The following ERI3 variants were observed in gnomAD, a reference collection of about 807,000 sequenced individuals.
ERI3 encodes the protein ERI1 exoribonuclease 3.
Under a neutral mutation model 44.4 loss-of-function variants are expected in ERI3, and 18 were observed. The ratio of observed to expected loss-of-function variants is 0.41; its 90% CI spans 0.28 to 0.60. The LOEUF (loss-of-function observed/expected upper bound fraction) is 0.60. Among genes scored for constraint, ERI3 ranks in the 20% least tolerant of loss-of-function variants. The pLI, the probability that ERI3 is intolerant of heterozygous loss-of-function variation, is 0.36. For missense variants in ERI3, 294 were observed against 435.5 expected (o/e 0.68, Z 2.89); for synonymous variants, 183 against 164.8 (o/e 1.11, Z -0.84).
At chr1:44,259,774 G>A (rs550274480) in intron 7 of ERI3, among the ~76,000 whole-genome samples, 1 of 151,268 alleles carries the variant, frequency 6.6e-6, no homozygotes, top group South Asian at 2.1e-4. Flanking sequence ...TACTAGGGAG[G>A]CTAAGGTGAG....
chr1:44,307,197 T>A (rs1270986744), intron 6 of ERI3, among the ~76,000 whole-genome samples: 2 of 152,078 alleles, frequency 1.3e-5, no homozygotes, highest in Non-Finnish European at 2.9e-5. Flanking sequence ...ATTTGGGGCC[T>A]TTTCTTCCTC....
chr1:44,297,354 C>T (rs1050945411), intron 6 of ERI3, among the ~76,000 whole-genome samples: 1 of 151,976 alleles, frequency 6.6e-6, no homozygotes, highest in Admixed American at 6.6e-5. Flanking sequence ...CTTGAGTTCC[C>T]CAGCCTTCAA....
At chr1:44,259,288 G>GCTGCCTGT (rs1480080989) in intron 7 of ERI3, among the ~76,000 whole-genome samples, 1 of 152,084 alleles carries the variant, frequency 6.6e-6, no homozygotes, top group Non-Finnish European at 1.5e-5. Flanking sequence ...TGGCTGCCTG[G>GCTGCCTGT]CTGACTGATT....
At chr1:44,320,208 C>G (rs547064280) in intron 3 of ERI3, among the ~76,000 whole-genome samples, 2 of 152,256 alleles carry the variant, frequency 1.3e-5, no homozygotes, top group East Asian at 3.9e-4. Flanking sequence ...TAAGTTTCTT[C>G]ATTAGTTCTT....
intron 3 of ERI3, among the ~76,000 whole-genome samples, chr1:44,320,555 CAG>C (rs1646179199): frequency 6.6e-6 from 1 of 152,098 alleles, no homozygotes; most frequent in Non-Finnish European, 1.5e-5. Flanking sequence ...AGGAACGCAC[CAG>C]AGTGGGGAGA....
In ERI3 at chr1:44,339,045, C is replaced by T. The variant is rs1469172906; in HGVS notation, c.489G>A (p.Gln163=). ...TCTAAAGCAATGATGGAACAGTTAC[C>T]TGAGGATGAATCTGTGGCTTGTCGC... ...ATCDKPQIHP[Q]EIIEFPILKL... The change falls in exon 3 of 9, where the codon CAG becomes CAA. Residue 163 remains glutamine, a splice_region_variant and synonymous_variant. Coordinates refer to ENST00000372257, the MANE Select transcript of ERI3 (RefSeq NM_024066.3). 1.2e-6 allele frequency: 2 copies of T among 1,612,116 alleles called. No homozygotes were observed. The highest frequency in any genetic ancestry group is 8.5e-7 in the Non-Finnish European group (1 of 1,178,534).
chr1:44,310,961 GCGCA>G (rs1201508813), intron 5 of ERI3, among the ~76,000 whole-genome samples: 33 of 84,696 alleles, frequency 3.9e-4, no homozygotes, highest in South Asian at 1.1e-3. Context: ...TCGCGCGCGC[GCGCA>G]CACACACACA....
At position 44,228,216 on chromosome 1, in the gene ERI3, C is replaced by T. The variant is rs992586242; in HGVS notation, c.932-6576G>A. Among the ~76,000 whole-genome samples, 1 of 152,102 alleles carries T rather than the reference C, an allele frequency of 6.6e-6. No homozygotes were observed. The highest frequency in any genetic ancestry group is 2.4e-5 in the African/African-American group (1 of 41,426). On this transcript the variant is annotated intron_variant, in intron 8 of 8. Coordinates refer to ENST00000372257, the MANE Select transcript of ERI3 (RefSeq NM_024066.3). This position sits in a 1 kb window ranked among gnomAD's most constrained non-coding sequence, Gnocchi z 4.3. ...CTTACAGCCTCCACTCCAAAGTGAC[C>T]CCTTCTTTCAGCCCCTCCCCTCAGC...
At chr1:44,267,987 C>T (rs1221710563) in intron 7 of ERI3, among the ~76,000 whole-genome samples, 1 of 152,180 alleles carries the variant, frequency 6.6e-6, no homozygotes, top group African/African-American at 2.4e-5. Context: ...CAAAGCTTAT[C>T]GAGTGGCACA....
intron 7 of ERI3, among the ~76,000 whole-genome samples, chr1:44,268,778 A>T (rs1645036441): frequency 6.6e-6 from 1 of 152,184 alleles, no homozygotes; most frequent in South Asian, 2.1e-4. Flanking sequence ...ATAGAGGATA[A>T]AAGACCAGAG....
At chr1:44,239,781 AAAGAGGAGG>A (rs1319891131) in intron 8 of ERI3, among the ~76,000 whole-genome samples, 5 of 149,064 alleles carry the variant, frequency 3.4e-5, no homozygotes, top group African/African-American at 5.2e-5. Flanking sequence ...AGAAGAAAGG[AAAGAGGAGG>A]GAGAGGAGGG....
In ERI3 at chr1:44,235,408, C is replaced by A. The variant is rs950474961; in HGVS notation, c.931+12531G>T. On this transcript the variant is annotated intron_variant, in intron 8 of 8. Transcript: ENST00000372257. This position sits in a 1 kb window ranked among gnomAD's most constrained non-coding sequence, Gnocchi z 4.6. ...CCCATCCCGCCTTTGTGTTAGGAAC[C>A]TCTTCTGTGTGCTCCCACAGCAGCC... Among the ~76,000 whole-genome samples the A allele has an allele frequency of 2.6e-5, 4 of 152,172 alleles. No homozygotes were observed. The highest frequency in any genetic ancestry group is 7.2e-5 in the African/African-American group (3 of 41,442).
chr1:44,233,618 G>T (rs1311308673), intron 8 of ERI3, among the ~76,000 whole-genome samples: 2 of 152,108 alleles, frequency 1.3e-5, no homozygotes, highest in Non-Finnish European at 2.9e-5. Flanking sequence ...CAGCTGGGTA[G>T]GGTCCAACCC....
intron 7 of ERI3, among the ~76,000 whole-genome samples, chr1:44,275,928 G>A (rs1645172568): frequency 6.6e-6 from 1 of 152,126 alleles, no homozygotes; most frequent in African/African-American, 2.4e-5. Flanking sequence ...TCGTTTGTTT[G>A]GCTCATGATT....
At chr1:44,283,308 G>C (rs891018943) in intron 7 of ERI3, among the ~76,000 whole-genome samples, 1 of 152,226 alleles carries the variant, frequency 6.6e-6, no homozygotes, top group African/African-American at 2.4e-5. Flanking sequence ...TGGAGACACA[G>C]AGAGGAACCA....
chr1:44,315,879 A>G (rs2154328673), intron 4 of ERI3, among the ~76,000 whole-genome samples: 1 of 152,326 alleles, frequency 6.6e-6, no homozygotes, highest in South Asian at 2.1e-4. Flanking sequence ...TGGGCTGGGC[A>G]TGGTGGCTCA....
intron 3 of ERI3, among the ~76,000 whole-genome samples, chr1:44,338,213 C>CA (rs771525650): frequency 2.0e-5 from 3 of 152,220 alleles, no homozygotes; most frequent in Non-Finnish European, 2.9e-5. Flanking sequence ...CAAATCATCC[C>CA]AAAACCTGTG....
chr1:44,268,929 A>C (rs1374971224), intron 7 of ERI3, among the ~76,000 whole-genome samples: 1 of 152,212 alleles, frequency 6.6e-6, no homozygotes, highest in Non-Finnish European at 1.5e-5. Flanking sequence ...ATTTGGCTTC[A>C]GTCCAAGCCA....
intron 6 of ERI3, among the ~76,000 whole-genome samples, chr1:44,293,652 G>A (rs948072645): frequency 1.4e-4 from 22 of 152,222 alleles, no homozygotes; most frequent in African/African-American, 5.3e-4. Context: ...AAGGAATGGA[G>A]GATGAGAGTG....
Sources: gnomAD v4.1 joint callset for allele counts (sites outside exome capture counted in the v4.1 genomes callset) on GRCh38, gnomAD v4.1.1 for gene constraint, Gnocchi (gnomAD v3.1) non-coding constraint, MANE v1.5 for transcripts, NCBI Gene and HGNC (gene_info 2026-07-23, HGNC 2026-07-21) for gene names.